Variants in FGF10 observed in about 807,000 individuals in gnomAD.
The protein encoded by FGF10 is fibroblast growth factor 10.
FGF10 carries 2 observed loss-of-function variants against 19.8 expected under a neutral mutation model. The observed-to-expected ratio is 0.10, with a 90% CI of 0.04 to 0.32. The LOEUF (loss-of-function observed/expected upper bound fraction) is 0.32, where lower values mean the gene tolerates loss of function less well. Among genes scored for constraint, FGF10 ranks in the 10% least tolerant of loss-of-function variants. The pLI, the probability that FGF10 is intolerant of heterozygous loss-of-function variation, is 1.00. For synonymous variants in FGF10, 112 were observed against 94.0 expected, an observed-to-expected ratio of 1.19 and a Z score of -1.10; for missense variants, 191 against 246.3, an observed-to-expected ratio of 0.78 and a Z score of 1.50.
chr5:44,377,362 G>T lies in FGF10; in HGVS notation c.325+10996C>A, dbSNP rs569525695. 2.0e-5 allele frequency among the ~76,000 whole-genome samples: 3 copies of T among 152,216 alleles called. No homozygotes were observed. In the East Asian group the frequency reaches 5.8e-4, roughly 29 times the overall value. On this transcript the variant is annotated intron_variant, in intron 1 of 2. Coordinates refer to ENST00000264664, the MANE Select transcript of FGF10 (RefSeq NM_004465.2). Reference sequence around the variant, plus strand: ...TGCTTTAAGGGTATGAGCCAAAAAGGTCACAGTAATAGGATGAGAAACAAA... The same window carrying T: ...TGCTTTAAGGGTATGAGCCAAAAAGTTCACAGTAATAGGATGAGAAACAAA...
chr5:44,330,174 A>C (rs143144697), intron 1 of FGF10, among the ~76,000 whole-genome samples: 4 of 152,230 alleles, frequency 2.6e-5, no homozygotes, highest in African/African-American at 9.6e-5. Flanking sequence ...AAGAAAGTTA[A>C]AGGAGCATTA....
chr5:44,313,579 T>C (rs1740259635), intron 1 of FGF10, among the ~76,000 whole-genome samples: 1 of 118,388 alleles, frequency 8.4e-6, no homozygotes, highest in Non-Finnish European at 1.7e-5. Flanking sequence ...TTAAAAGCTA[T>C]AAAAAAAGGT....
intron 1 of FGF10, among the ~76,000 whole-genome samples, chr5:44,385,727 C>A (rs940307292): frequency 6.6e-6 from 1 of 152,124 alleles, no homozygotes; most frequent in Non-Finnish European, 1.5e-5. Context: ...TGGCTGGCTA[C>A]CCTGTAGGCA....
In FGF10 at chr5:44,371,939, C is replaced by T. The variant is rs535412755; in HGVS notation, c.325+16419G>A. On this transcript the variant is annotated intron_variant, in intron 1 of 2. Transcript: ENST00000264664. ...CATCTATTTGAGTCCATGCTTAGTA[C>T]TATCTACCACAAGATAGTGCTTTGT... Among the ~76,000 whole-genome samples, 21 of 152,242 alleles carry T rather than the reference C, an allele frequency of 1.4e-4. No individual in the cohort carries two copies. The South Asian group carries it at 4.1e-3, about 30-fold the overall frequency.
chr5:44,328,585 G>A (rs746400314), intron 1 of FGF10, among the ~76,000 whole-genome samples: 9 of 152,216 alleles, frequency 5.9e-5, no homozygotes, highest in Middle Eastern at 3.4e-3. Context: ...TAGTGAGACC[G>A]CGTCACTACA....
chr5:44,325,564 G>T (rs1390874159), intron 1 of FGF10, among the ~76,000 whole-genome samples: 1 of 152,142 alleles, frequency 6.6e-6, no homozygotes, highest in Non-Finnish European at 1.5e-5. Flanking sequence ...CATCAAAAAT[G>T]ATGAGTTCAT....
chr5:44,346,394 C>G (rs1243458791), intron 1 of FGF10, among the ~76,000 whole-genome samples: 1 of 151,782 alleles, frequency 6.6e-6, no homozygotes, highest in Non-Finnish European at 1.5e-5. Flanking sequence ...TCAATCCATT[C>G]ACTAGCTTCC....
In FGF10 at chr5:44,301,900, A is replaced by T. The variant is rs1739972324; in HGVS notation, c.*3095T>A. On this transcript the variant is annotated 3_prime_UTR_variant, in exon 3 of 3. Coordinates refer to ENST00000264664, the MANE Select transcript of FGF10 (RefSeq NM_004465.2). Reference sequence around the variant, plus strand: ...TTTTTATTGTTTTTATTTAAATGTAACATACTATACACTGTTCAGCCTTTT... The same window carrying T: ...TTTTTATTGTTTTTATTTAAATGTATCATACTATACACTGTTCAGCCTTTT... Among the ~76,000 whole-genome samples the T allele has an allele frequency of 6.6e-6, 1 of 152,146 alleles. No homozygotes were observed. Among genetic ancestry groups the T allele is most frequent in the Admixed American group, 6.6e-5 (1 of 15,246 alleles).
At chr5:44,337,898 C>G (rs1202082917) in intron 1 of FGF10, among the ~76,000 whole-genome samples, 1 of 151,960 alleles carries the variant, frequency 6.6e-6, no homozygotes, top group Non-Finnish European at 1.5e-5. Context: ...TTGAATTGTG[C>G]CACTGCACTC....
chr5:44,309,659 G>C (rs1187426946), intron 2 of FGF10, among the ~76,000 whole-genome samples: 1 of 152,080 alleles, frequency 6.6e-6, no homozygotes. Flanking sequence ...CTCACTGCTT[G>C]TAATTTAATT....
intron 1 of FGF10, among the ~76,000 whole-genome samples, chr5:44,314,812 G>A (rs1740298381): frequency 6.6e-6 from 1 of 152,012 alleles, no homozygotes; most frequent in African/African-American, 2.4e-5. Context: ...TTCTGTTTTG[G>A]TGCTATTAGA....
intron 1 of FGF10, among the ~76,000 whole-genome samples, chr5:44,379,853 A>G (rs1487534187): frequency 3.3e-5 from 5 of 152,186 alleles, no homozygotes; most frequent in Non-Finnish European, 5.9e-5. Flanking sequence ...GTATGTGTCT[A>G]AACACTCTAG....
At chr5:44,343,702 T>G (rs891252643) in intron 1 of FGF10, among the ~76,000 whole-genome samples, 21 of 152,042 alleles carry the variant, frequency 1.4e-4, no homozygotes, top group Admixed American at 1.3e-3. Context: ...CAGACTTAGA[T>G]TCTTTTGCCA....
chr5:44,352,820 A>G (rs1741265150), intron 1 of FGF10, among the ~76,000 whole-genome samples: 1 of 151,576 alleles, frequency 6.6e-6, no homozygotes, highest in African/African-American at 2.4e-5. Context: ...ACCTAACAGA[A>G]GGATTTTTCT....
intron 1 of FGF10, among the ~76,000 whole-genome samples, chr5:44,357,603 G>A (rs753769355): frequency 3.3e-5 from 5 of 151,210 alleles, no homozygotes; most frequent in South Asian, 2.1e-4. Context: ...ACTTGTCTAC[G>A]GTCACATACC....
At chr5:44,337,250 T>C (rs375522214) in intron 1 of FGF10, among the ~76,000 whole-genome samples, 1 of 118,632 alleles carries the variant, frequency 8.4e-6, no homozygotes, top group East Asian at 2.3e-4. Context: ...AAAGATACTA[T>C]TGAATCCTAG....
chr5:44,325,254 T>C (rs548392560), intron 1 of FGF10, among the ~76,000 whole-genome samples: 2 of 152,194 alleles, frequency 1.3e-5, no homozygotes, highest in East Asian at 3.9e-4. Flanking sequence ...GGAGAGGATG[T>C]GGAGAAATAG....
chr5:44,323,216 G>A (rs1740537883), intron 1 of FGF10, among the ~76,000 whole-genome samples: 1 of 152,076 alleles, frequency 6.6e-6, no homozygotes, highest in South Asian at 2.1e-4. Context: ...GAACCCATAG[G>A]TTGGAAATAC....
intron 1 of FGF10, among the ~76,000 whole-genome samples, chr5:44,350,823 A>G (rs1741215811): frequency 6.6e-6 from 1 of 151,278 alleles, no homozygotes; most frequent in Admixed American, 6.6e-5. Flanking sequence ...CATGTATTAG[A>G]TAGCACTTTG....
Sources: gnomAD v4.1 joint callset for allele counts (sites outside exome capture counted in the v4.1 genomes callset) on GRCh38, gnomAD v4.1.1 for gene constraint, MANE v1.5 for transcripts, NCBI Gene and HGNC (gene_info 2026-07-23, HGNC 2026-07-21) for gene names.